ST3GAL2: variants seen among roughly 807,000 people sequenced by gnomAD.
The protein encoded by ST3GAL2 is CMP-N-acetylneuraminate-beta-galactosamide-alpha-2,3-sialyltransferase 2.
A neutral mutation model predicts 37.5 loss-of-function variants in ST3GAL2; 16 were observed. The observed-to-expected ratio is 0.43, with a 90% CI of 0.29 to 0.65. The LOEUF (loss-of-function observed/expected upper bound fraction) is 0.65. Ranked by LOEUF, ST3GAL2 falls within the 30% of genes least tolerant of loss-of-function variation. ST3GAL2 has a pLI of 0.17. For synonymous variants in ST3GAL2, 238 were observed against 202.9 expected (o/e 1.17, Z -1.47); for missense variants, 383 against 487.8 (o/e 0.79, Z 2.02).
In ST3GAL2 at chr16:70,401,819, C is replaced by A. The variant is rs745634569; in HGVS notation, c.-1003-2286G>T. Among the ~76,000 whole-genome samples the A allele has an allele frequency of 5.9e-5, 9 of 151,560 alleles. 1 individual carries two copies. The highest frequency in any genetic ancestry group is 6.8e-3 in the Middle Eastern group (2 of 292). On this transcript the variant is annotated intron_variant, in intron 1 of 6. Coordinates refer to ENST00000342907, the MANE Select transcript of ST3GAL2 (RefSeq NM_006927.4). The stretch of plus-strand genomic sequence containing the variant: ...ACCAGCCTGGCCAACATGGTGAAAC[C>A]CCATCTCTACTAAAAATACAAAAAA...
rs1408900226 is a variant in ST3GAL2, at chr16:70,381,481, A to G, written c.*208T>C. ...CAGCGCCGGAAGTTTTCCTTGAGTC[A>G]CATGATTGGCTGGGAGAAACAGAAG... On this transcript the variant is annotated 3_prime_UTR_variant, in exon 7 of 7. Transcript: ENST00000342907. 3.2e-6 allele frequency: 2 copies of G among 622,364 alleles called. No homozygotes were observed. Among genetic ancestry groups the G allele is most frequent in the Non-Finnish European group, 5.5e-6 (2 of 363,820 alleles). The allele number at this position is 622,364 out of a possible 1,614,324, so 38.6% of individuals were successfully genotyped here.
chr16:70,428,752 A>G (rs1200316208), intron 1 of ST3GAL2, among the ~76,000 whole-genome samples: 1 of 152,138 alleles, frequency 6.6e-6, no homozygotes, highest in East Asian at 1.9e-4. Context: ...CTCTACAGTG[A>G]GATCCTACCC....
intron 1 of ST3GAL2, among the ~76,000 whole-genome samples, chr16:70,419,864 G>A (rs1309174313): frequency 6.6e-6 from 1 of 152,102 alleles, no homozygotes; most frequent in Non-Finnish European, 1.5e-5. Flanking sequence ...ACCAAGGTGG[G>A]GTGTCCGCCA....
chr16:70,431,985 A>ATATATAT (rs1454729972), intron 1 of ST3GAL2, among the ~76,000 whole-genome samples: 2 of 139,056 alleles, frequency 1.4e-5, no homozygotes, highest in African/African-American at 6.4e-5. Flanking sequence ...ATATATATAT[A>ATATATAT]TTTTTTTTTA....
In ST3GAL2 at chr16:70,398,423, G is replaced by A. The variant is rs1055043722; in HGVS notation, c.108C>T (p.Tyr36=). 6 of 1,613,760 alleles carry A rather than the reference G, an allele frequency of 3.7e-6. No individual in the cohort carries two copies. Among genetic ancestry groups the A allele is most frequent in the Non-Finnish European group, 5.1e-6 (6 of 1,180,018 alleles). ...YSHHSMATLP[Y]LDSGALDGTH... ...TCCCATCCAGGGCCCCTGAGTCCAG[G>A]TAGGGGAGCGTGGCCATGCTGTGGT... Residue 36 remains tyrosine (Y), a synonymous_variant, in exon 2 of 7, where the codon TAC becomes TAT. Transcript: ENST00000342907.
intron 1 of ST3GAL2, among the ~76,000 whole-genome samples, chr16:70,423,495 GA>G (rs1166093177): frequency 6.6e-6 from 1 of 152,096 alleles, no homozygotes; most frequent in Non-Finnish European, 1.5e-5. Context: ...GGGTGACAGA[GA>G]AAGACTCCAT....
intron 1 of ST3GAL2, among the ~76,000 whole-genome samples, chr16:70,424,460 G>A (rs1367770926): frequency 2.6e-5 from 4 of 151,634 alleles, no homozygotes; most frequent in Non-Finnish European, 5.9e-5. Context: ...AATTAGCCAG[G>A]CGTGGTGGTG....
intron 2 of ST3GAL2, among the ~76,000 whole-genome samples, chr16:70,395,602 C>G (rs914297304): frequency 3.3e-5 from 5 of 152,196 alleles, no homozygotes; most frequent in African/African-American, 1.2e-4. Flanking sequence ...AAGCCACGTC[C>G]AGGGTGACAG....
At chr16:70,425,851 C>T (rs1055396830) in intron 1 of ST3GAL2, among the ~76,000 whole-genome samples, 3 of 152,234 alleles carry the variant, frequency 2.0e-5, no homozygotes, top group African/African-American at 4.8e-5. Context: ...CGGGTACTGA[C>T]GTTCAGGGAT....
chr16:70,410,386 GACC>G (rs2047629276), intron 1 of ST3GAL2, among the ~76,000 whole-genome samples: 6 of 150,838 alleles, frequency 4.0e-5, no homozygotes, highest in Admixed American at 6.6e-5. Flanking sequence ...CCGTAGCTGG[GACC>G]ACAGGTGCCC....
chr16:70,416,777 C>A (rs540150740), intron 1 of ST3GAL2, among the ~76,000 whole-genome samples: 1 of 146,922 alleles, frequency 6.8e-6, no homozygotes, highest in Admixed American at 6.6e-5. Context: ...CCAAATTGAG[C>A]AAATCTGAGC....
chr16:70,383,674 A>T, intron 4 of ST3GAL2, among the ~76,000 whole-genome samples: 1 of 139,402 alleles, frequency 7.2e-6, no homozygotes, highest in East Asian at 1.9e-4. Context: ...AAAGGAAGAA[A>T]AGATAACATT....
Position 70,398,311 on chromosome 16 carries a change from G to A in ST3GAL2, c.220C>T (p.Arg74Cys), listed in dbSNP as rs865792559. ...GAGGCACCGGCATCGCCCATGCAGC[G>A]GCGACAGGCACAGCTCTTGCCCGAG... The part of the protein sequence containing the change: ...RLSGKSCACR[R>C]CMGDAGASDW... Residue 74 changes from arginine (R) to cysteine (C), a missense_variant, in exon 2 of 7, where the codon CGC becomes TGC. Coordinates refer to ENST00000342907, the MANE Select transcript of ST3GAL2 (RefSeq NM_006927.4). 1.4e-5 allele frequency: 22 copies of A among 1,613,292 alleles called. No homozygotes were observed. Among genetic ancestry groups the A allele is most frequent in the Non-Finnish European group, 1.5e-5 (18 of 1,180,044 alleles).
rs1037529447 is a variant in ST3GAL2, at chr16:70,380,454, G to T, written c.*1235C>A. On this transcript the variant is annotated 3_prime_UTR_variant, in exon 7 of 7. Transcript: ENST00000342907. Reference sequence around the variant, plus strand: ...CTAAACCTCCCCAGCTTCGAAGGGGGAGAATTCCACCAGCAGCCCCGTCAG... The same window carrying T: ...CTAAACCTCCCCAGCTTCGAAGGGGTAGAATTCCACCAGCAGCCCCGTCAG... 2.0e-5 allele frequency: 3 copies of T among 152,320 alleles called. No individual in the cohort carries two copies. The highest frequency in any genetic ancestry group is 4.4e-5 in the Non-Finnish European group (3 of 68,126). The allele number at this position is 152,320 out of a possible 1,614,324, so 9.4% of individuals were successfully genotyped here.
intron 1 of ST3GAL2, among the ~76,000 whole-genome samples, chr16:70,422,340 C>A (rs760155604): frequency 6.6e-6 from 1 of 152,112 alleles, no homozygotes; most frequent in African/African-American, 2.4e-5. Flanking sequence ...GAAACAGGGA[C>A]GAGAGGTGAC....
chr16:70,386,266 C>T (rs2047442771), intron 4 of ST3GAL2, among the ~76,000 whole-genome samples: 1 of 151,674 alleles, frequency 6.6e-6, no homozygotes, highest in African/African-American at 2.4e-5. Context: ...CGGCTCACTG[C>T]AAGCTCCGCC....
intron 4 of ST3GAL2, among the ~76,000 whole-genome samples, chr16:70,385,669 T>C (rs902241877): frequency 1.4e-4 from 21 of 151,038 alleles, no homozygotes; most frequent in African/African-American, 5.1e-4. Context: ...TAAAGACCCT[T>C]AGAACATGAA....
chr16:70,420,855 C>A (rs1265529112), intron 1 of ST3GAL2, among the ~76,000 whole-genome samples: 3 of 152,206 alleles, frequency 2.0e-5, no homozygotes, highest in African/African-American at 7.2e-5. Flanking sequence ...ACCCAGCCCT[C>A]CAGAGTGAAG....
intron 6 of ST3GAL2, 115 bp downstream of exon 6, chr16:70,382,690 G>C: frequency 6.7e-7 from 1 of 1,500,238 alleles, no homozygotes; most frequent in Non-Finnish European, 9.0e-7. Flanking sequence ...GGAAACCAAG[G>C]CCACATGGAT....
Sources: allele counts gnomAD v4.1 joint callset (sites outside exome capture counted in the v4.1 genomes callset), GRCh38; gene constraint gnomAD v4.1.1; transcripts MANE v1.5; gene names NCBI Gene and HGNC (gene_info 2026-07-23, HGNC 2026-07-21).